The following PARN variants were observed in gnomAD, a reference collection of about 807,000 sequenced individuals.
PARN encodes poly(A)-specific ribonuclease PARN.
PARN carries 71 observed loss-of-function variants against 102.8 expected under a neutral mutation model. The observed-to-expected ratio is 0.69, with a 90% confidence interval of 0.57 to 0.84. The LOEUF (loss-of-function observed/expected upper bound fraction) is 0.84. PARN is among the 40% of genes least tolerant of loss of function. PARN has a pLI of 0.00. For synonymous variants in PARN, 261 were observed against 252.9 expected, an observed-to-expected ratio of 1.03 and a Z score of -0.30; for missense variants, 782 against 760.9, an observed-to-expected ratio of 1.03 and a Z score of -0.33.
chr16:14,549,968 C>T (rs1967191372), intron 21 of PARN, among the ~76,000 whole-genome samples: 1 of 152,192 alleles, frequency 6.6e-6, no homozygotes, highest in African/African-American at 2.4e-5. Flanking sequence ...AAAGTTAGTC[C>T]CCGTGTCAGT....
At chr16:14,547,127 T>C (rs1967002190) in intron 21 of PARN, among the ~76,000 whole-genome samples, 1 of 151,582 alleles carries the variant, frequency 6.6e-6, no homozygotes, top group African/African-American at 2.4e-5. Context: ...GATTTCCTGC[T>C]TGACTACTTT....
chr16:14,482,711 C>T lies in PARN; in HGVS notation c.1597G>A (p.Glu533Lys). ...KRKWTEDSWK[E>K]ADSKRLNPQC... is the part of the protein sequence containing the mutation. ...GGGTTTAACCGTTTGCTGTCAGCCT[C>T]CTTCCAGCTATCTTCAGTCCACTTT... Residue 533 changes from glutamate (E) to lysine (K), a missense_variant, in exon 22 of 24, where the codon GAG (glutamate) becomes AAG (lysine). Physicochemically the swap from Glu to Lys is moderately conservative, Grantham distance 56 (BLOSUM62 1). Coordinates refer to ENST00000437198, the MANE Select transcript of PARN (RefSeq NM_002582.4). 6.2e-7 allele frequency: 1 copy of T among 1,613,902 alleles called. No individual in the cohort carries two copies. The highest frequency in any genetic ancestry group is 8.5e-7 in the Non-Finnish European group (1 of 1,179,816).
intron 5 of PARN, among the ~76,000 whole-genome samples, chr16:14,617,962 C>T (rs1228251242): frequency 1.3e-5 from 2 of 152,202 alleles, no homozygotes; most frequent in Non-Finnish European, 2.9e-5. Flanking sequence ...CTGCCTCGGC[C>T]TCCCAAAGTG....
intron 21 of PARN, among the ~76,000 whole-genome samples, chr16:14,503,377 G>A (rs1043084808): frequency 6.6e-5 from 10 of 152,168 alleles, no homozygotes; most frequent in African/African-American, 1.7e-4. Flanking sequence ...TGAGAAAAGC[G>A]TAATGCAGTA....
At chr16:14,589,145 A>G (rs1259956837) in intron 13 of PARN, among the ~76,000 whole-genome samples, 1 of 151,854 alleles carries the variant, frequency 6.6e-6, no homozygotes, top group Non-Finnish European at 1.5e-5. Flanking sequence ...GCACCACTGC[A>G]CTCCACCCTG....
At chr16:14,478,719 T>C (rs1283481761) in intron 22 of PARN, among the ~76,000 whole-genome samples, 1 of 152,234 alleles carries the variant, frequency 6.6e-6, no homozygotes, top group Non-Finnish European at 1.5e-5. Flanking sequence ...TAAAAAATCC[T>C]ATCAGAACAA....
At chr16:14,602,245 C>T (rs1970918220) in intron 11 of PARN, among the ~76,000 whole-genome samples, 1 of 152,142 alleles carries the variant, frequency 6.6e-6, no homozygotes, top group African/African-American at 2.4e-5. Context: ...TCTCTCCTCC[C>T]TTGGCTGTGT....
At chr16:14,439,488 A>C (rs1960857177) in intron 23 of PARN, among the ~76,000 whole-genome samples, 1 of 152,156 alleles carries the variant, frequency 6.6e-6, no homozygotes, top group African/African-American at 2.4e-5. Context: ...GCTACAGTGG[A>C]CCTTAATCCA....
At chr16:14,623,938 A>T (rs1413273601) in intron 5 of PARN, among the ~76,000 whole-genome samples, 1 of 152,204 alleles carries the variant, frequency 6.6e-6, no homozygotes, top group Non-Finnish European at 1.5e-5. Context: ...TATGAATTCA[A>T]CTACAGATCT....
intron 21 of PARN, among the ~76,000 whole-genome samples, chr16:14,532,348 G>A (rs1160533314): frequency 6.6e-6 from 1 of 151,298 alleles, no homozygotes; most frequent in African/African-American, 2.4e-5. Flanking sequence ...TGTGTCCCTG[G>A]GTACTTGAGA....
At chr16:14,475,301 G>T (rs1356846636) in intron 22 of PARN, among the ~76,000 whole-genome samples, 1 of 152,218 alleles carries the variant, frequency 6.6e-6, no homozygotes, top group Non-Finnish European at 1.5e-5. Context: ...CAGGAAAGTT[G>T]CGAGTGTTGG....
intron 21 of PARN, among the ~76,000 whole-genome samples, chr16:14,514,515 C>A (rs976092865): frequency 1.3e-5 from 2 of 152,106 alleles, no homozygotes; most frequent in Non-Finnish European, 2.9e-5. Context: ...GTTGAAGGCA[C>A]AACATCATTA....
At chr16:14,611,531 G>C (rs1205409118) in intron 6 of PARN, among the ~76,000 whole-genome samples, 2 of 152,088 alleles carry the variant, frequency 1.3e-5, no homozygotes, top group Non-Finnish European at 2.9e-5. Context: ...TCAGAGGTCA[G>C]CAAACTTTTT....
In PARN at chr16:14,610,652, G is replaced by A. The variant is rs1971469847; in HGVS notation, c.546C>T (p.Asp182=). 1.2e-6 allele frequency: 2 copies of A among 1,604,476 alleles called. No individual in the cohort carries two copies. The highest frequency in any genetic ancestry group is 8.5e-7 in the Non-Finnish European group (1 of 1,171,474). ...TIPEDQKKFI[D]QVVEKIEDLL... ...TTAATTTAGGAACTTACACCACTTG[G>A]TCAATAAACTTCTTTTGATCCTCAG... Residue 182 remains aspartate (D), a synonymous_variant, in exon 7 of 24, where the codon GAC becomes GAT. Coordinates refer to ENST00000437198, the MANE Select transcript of PARN (RefSeq NM_002582.4).
At position 14,452,208 on chromosome 16, in the gene PARN, T is replaced by G. The variant is rs545890378; in HGVS notation, c.1671-5127A>C. 4.6e-5 allele frequency among the ~76,000 whole-genome samples: 7 copies of G among 152,280 alleles called. No individual in the cohort carries two copies. In the South Asian group the frequency reaches 1.4e-3, roughly 32 times the overall value. On this transcript the variant is annotated intron_variant, in intron 22 of 23. Coordinates refer to ENST00000437198, the MANE Select transcript of PARN (RefSeq NM_002582.4). ...GTTGTATCCTAACCACAGATTATGG[T>G]ATTTTTGGCCAACAAGACCCATGCA...
At chr16:14,563,388 G>C (rs1485487575) in intron 18 of PARN, among the ~76,000 whole-genome samples, 1 of 152,178 alleles carries the variant, frequency 6.6e-6, no homozygotes, top group African/African-American at 2.4e-5. Context: ...GGAAGGTTGT[G>C]AGTGTACCAT....
At chr16:14,564,499 G>C (rs1214546390) in intron 18 of PARN, among the ~76,000 whole-genome samples, 1 of 152,170 alleles carries the variant, frequency 6.6e-6, no homozygotes, top group East Asian at 1.9e-4. Flanking sequence ...ACCTGGGCAT[G>C]GGGCTTGCCA....
intron 11 of PARN, among the ~76,000 whole-genome samples, chr16:14,602,532 C>T (rs905603113): frequency 6.6e-6 from 1 of 152,112 alleles, no homozygotes; most frequent in Non-Finnish European, 1.5e-5. Context: ...CATCTTTTTC[C>T]ACTCTGGGGG....
chr16:14,483,453 A>G (rs1963489165), intron 21 of PARN, among the ~76,000 whole-genome samples: 1 of 152,240 alleles, frequency 6.6e-6, no homozygotes. Context: ...ATAAGATGCA[A>G]AACCAGGTTC....
Sources: allele counts gnomAD v4.1 joint callset (sites outside exome capture counted in the v4.1 genomes callset), GRCh38; gene constraint gnomAD v4.1.1; transcripts MANE v1.5; gene names NCBI Gene and HGNC (gene_info 2026-07-23, HGNC 2026-07-21).